Variants in DMD observed in about 807,000 individuals in gnomAD.
DMD encodes dystrophin, also known as mutant dystrophin.
DMD carries 63 observed loss-of-function variants against 330.1 expected under a neutral mutation model. That is an observed-to-expected ratio of 0.19 (90% confidence interval 0.16 to 0.24). The LOEUF is 0.24. Ranked by LOEUF, DMD falls within the 10% of genes least tolerant of loss-of-function variation. The probability of loss-of-function intolerance (pLI) is 1.00; values close to 1 mark genes in which losing one functional copy is unlikely to be tolerated. For missense variants in DMD, 3,344 were observed against 2,684.1 expected, an observed-to-expected ratio of 1.25 and a Z score of -5.43; for synonymous variants, 1,223 against 959.8, an observed-to-expected ratio of 1.27 and a Z score of -5.07.
intron 7 of DMD, among the ~76,000 whole-genome samples, chrX:32,772,800 G>T (rs1468088267): frequency 8.9e-6 from 1 of 111,749 alleles, no homozygotes; most frequent in Non-Finnish European, 1.9e-5. Context: ...TCAAGCAAGA[G>T]TCCCTTATGC....
At chrX:33,025,602 G>A (rs1308746602) in intron 1 of DMD, among the ~76,000 whole-genome samples, 1 of 112,031 alleles carries the variant, frequency 8.9e-6, no homozygotes, top group Non-Finnish European at 1.9e-5. Context: ...CCCCAGGCTG[G>A]AGTGCATTGG....
intron 1 of DMD, among the ~76,000 whole-genome samples, chrX:33,033,409 A>G (rs2094147834): frequency 9.2e-6 from 1 of 108,798 alleles, no homozygotes; most frequent in African/African-American, 3.4e-5. Context: ...GTAGGTTGGC[A>G]TGCAAATTAA....
intron 55 of DMD, among the ~76,000 whole-genome samples, chrX:31,547,686 T>G (rs1390022147): frequency 8.9e-6 from 1 of 112,076 alleles, no homozygotes; most frequent in Non-Finnish European, 1.9e-5. Flanking sequence ...TGTGGAAGGA[T>G]CAGAGAATTT....
At chrX:33,265,835 C>A (rs941893215) in intron 1 of DMD, among the ~76,000 whole-genome samples, 11 of 111,622 alleles carry the variant, frequency 9.9e-5, no homozygotes, top group African/African-American at 3.2e-4. Flanking sequence ...TTTCAGTTAA[C>A]ATAAAATAAA....
rs183113206 is a variant in DMD, at chrX:33,013,421, A to G, written c.93+6718T>C. On this transcript the variant is annotated intron_variant, in intron 2 of 78. Coordinates refer to ENST00000357033, the MANE Select transcript of DMD (RefSeq NM_004006.3). ...CAAAATAATTGCACTAAATAATTCA[A>G]TTGTTACCAAAGTCTTGTGCAGGCT... is the stretch of plus-strand genomic sequence containing the variant. 2.7e-4 allele frequency among the ~76,000 whole-genome samples: 30 copies of G among 111,498 alleles called. No individual in the cohort carries two copies. In the East Asian group the frequency reaches 5.7e-3, roughly 21 times the overall value.
intron 1 of DMD, among the ~76,000 whole-genome samples, chrX:33,201,024 C>T (rs1003596661): frequency 9.9e-6 from 1 of 100,839 alleles, no homozygotes; most frequent in African/African-American, 3.6e-5. Flanking sequence ...TTCCACCTCC[C>T]GGGCTCAAGT....
In DMD at chrX:32,172,331, G is replaced by T. The variant is rs757329839; in HGVS notation, c.6438+44585C>A. On this transcript the variant is annotated intron_variant, in intron 44 of 78. Coordinates refer to ENST00000357033, the MANE Select transcript of DMD (RefSeq NM_004006.3). ...GAAATAGATAACAGGTCATATGATG[G>T]ATTTCATTCAAATGTTATAAGGCAT... Among the ~76,000 whole-genome samples the T allele has an allele frequency of 3.6e-5, 4 of 111,796 alleles. No individual in the cohort carries two copies. The East Asian group carries it at 1.1e-3, about 31-fold the overall frequency.
chrX:32,637,152 A>T (rs1430923765), intron 11 of DMD, among the ~76,000 whole-genome samples: 2 of 111,766 alleles, frequency 1.8e-5, no homozygotes, highest in African/African-American at 6.5e-5. Context: ...TCACGTTTGG[A>T]AGACTGTTTA....
At chrX:33,285,438 C>T (rs2053417333) in intron 1 of DMD, among the ~76,000 whole-genome samples, 1 of 111,387 alleles carries the variant, frequency 9.0e-6, no homozygotes, top group African/African-American at 3.3e-5. Flanking sequence ...CATGTGAAGG[C>T]ATTAAAAACA....
chrX:32,895,955 A>G (rs1045486730), intron 2 of DMD, among the ~76,000 whole-genome samples: 35 of 110,729 alleles, frequency 3.2e-4, no homozygotes, highest in Non-Finnish European at 1.1e-4. Flanking sequence ...CTAGAGGAAG[A>G]GATCATCTAG....
At chrX:32,035,797 G>A (rs1161584620) in intron 44 of DMD, among the ~76,000 whole-genome samples, 2 of 111,267 alleles carry the variant, frequency 1.8e-5, no homozygotes, top group African/African-American at 3.3e-5. Context: ...ATAGGCAGGG[G>A]TGGTGATGTT....
chrX:33,302,072 T>C (rs1247334463), intron 1 of DMD, among the ~76,000 whole-genome samples: 2 of 111,962 alleles, frequency 1.8e-5, no homozygotes, highest in Non-Finnish European at 3.8e-5. Context: ...TTTTTATTCA[T>C]CTTACTAAAT....
At chrX:31,866,195 G>A (rs933971140) in intron 48 of DMD, among the ~76,000 whole-genome samples, 2 of 110,622 alleles carry the variant, frequency 1.8e-5, no homozygotes, top group African/African-American at 3.3e-5. Flanking sequence ...CTTCAAACCC[G>A]TACCTGCTCC....
intron 62 of DMD, among the ~76,000 whole-genome samples, chrX:31,322,317 AC>A (rs1469955003): frequency 2.7e-5 from 3 of 111,938 alleles, no homozygotes; most frequent in Non-Finnish European, 5.6e-5. Flanking sequence ...AAGGTAATAT[AC>A]AGTGCATGTC....
intron 2 of DMD, among the ~76,000 whole-genome samples, chrX:32,869,932 C>T (rs921030445): frequency 2.8e-5 from 3 of 109,039 alleles, no homozygotes; most frequent in African/African-American, 1.0e-4. Context: ...TCTTACCATT[C>T]CTATTCAACA....
At chrX:32,657,441 G>A (rs2060654316) in intron 9 of DMD, among the ~76,000 whole-genome samples, 1 of 111,975 alleles carries the variant, frequency 8.9e-6, no homozygotes, top group African/African-American at 3.2e-5. Flanking sequence ...TGATTTCTTT[G>A]TTCTTACTGT....
At chrX:33,115,120 CT>C (rs1184760769) in intron 1 of DMD, among the ~76,000 whole-genome samples, 1 of 112,041 alleles carries the variant, frequency 8.9e-6, no homozygotes. Context: ...AAGAACAAGC[CT>C]TTTCTCATTC....
intron 44 of DMD, among the ~76,000 whole-genome samples, chrX:32,078,372 C>T: frequency 8.9e-6 from 1 of 112,212 alleles, no homozygotes; most frequent in South Asian, 3.7e-4. Flanking sequence ...CTCACACGGA[C>T]TACTCAATTA....
At chrX:32,094,506 T>C (rs1033584635) in intron 44 of DMD, among the ~76,000 whole-genome samples, 4 of 111,589 alleles carry the variant, frequency 3.6e-5, no homozygotes, top group African/African-American at 9.9e-5. Flanking sequence ...GATATCTCAA[T>C]ACACAAAACA....
Sources: allele counts gnomAD v4.1 joint callset (sites outside exome capture counted in the v4.1 genomes callset), GRCh38; gene constraint gnomAD v4.1.1; transcripts MANE v1.5; gene names NCBI Gene and HGNC (gene_info 2026-07-23, HGNC 2026-07-21).